Variants in PCDHGA4 observed in about 807,000 individuals in gnomAD.
PCDHGA4 encodes the protein protocadherin gamma-A4.
Under a neutral mutation model 54.6 loss-of-function variants are expected in PCDHGA4, and 38 were observed. The ratio of observed to expected loss-of-function variants is 0.70; its 90% CI spans 0.54 to 0.91. The LOEUF (loss-of-function observed/expected upper bound fraction) is 0.91, where lower values mean the gene tolerates loss of function less well. Ranked by LOEUF, PCDHGA4 falls within the 40% of genes least tolerant of loss-of-function variation. The pLI is 0.00. For synonymous variants in PCDHGA4, 511 were observed against 512.9 expected (o/e 1.00, Z 0.05); for missense variants, 1,298 against 1,220.9 (o/e 1.06, Z -0.94).
intron 1 of PCDHGA4, chr5:141,364,455 G>A (rs753233498): frequency 1.9e-6 from 3 of 1,614,000 alleles, no homozygotes; most frequent in Non-Finnish European, 2.5e-6. Flanking sequence ...CTGGACAAAG[G>A]CTCCTTCGTC....
Position 141,364,556 on chromosome 5 carries a change from G to A in PCDHGA4, c.2514+6935G>A, listed in dbSNP as rs917886359. On this transcript the variant is annotated intron_variant, in intron 1 of 3. Coordinates refer to ENST00000571252, the MANE Select transcript of PCDHGA4 (RefSeq NM_018917.4). The stretch of plus-strand genomic sequence containing the variant: ...CTCCAGAGGTAGGACGCAGCTTTTT[G>A]CCCTGAACCCGCGAAGCGGCAGCTT... 5 of 1,614,048 alleles carry A rather than the reference G, an allele frequency of 3.1e-6. No homozygotes were observed. In the Admixed American group the frequency reaches 8.3e-5, roughly 27 times the overall value.
chr5:141,419,386 G>A (rs2096372901), intron 1 of PCDHGA4: 1 of 1,613,650 alleles, frequency 6.2e-7, no homozygotes, highest in Non-Finnish European at 8.5e-7. Context: ...CCGTGAGCGC[G>A]CAGAGCGGGG....
chr5:141,419,035 T>G, intron 1 of PCDHGA4: 1 of 1,613,954 alleles, frequency 6.2e-7, no homozygotes, highest in Non-Finnish European at 8.5e-7. Context: ...GTGTTCCATT[T>G]AAGATTCATT....
chr5:141,502,487 C>A (rs563658817), intron 2 of PCDHGA4, among the ~76,000 whole-genome samples: 1 of 152,182 alleles, frequency 6.6e-6, no homozygotes, highest in Non-Finnish European at 1.5e-5. Context: ...CACACTGGGA[C>A]TCATCTAACG....
chr5:141,495,108 C>G (rs1304714928), intron 2 of PCDHGA4, among the ~76,000 whole-genome samples: 1 of 152,176 alleles, frequency 6.6e-6, no homozygotes, highest in Admixed American at 6.5e-5. Context: ...ACGACCGGCA[C>G]CTTTTCCTAT....
intron 1 of PCDHGA4, chr5:141,388,678 C>T (rs1347655255): frequency 5.6e-6 from 9 of 1,613,818 alleles, no homozygotes; most frequent in Non-Finnish European, 7.6e-6. Flanking sequence ...CTACAGGTGA[C>T]TGCCACGGAC....
Position 141,432,061 on chromosome 5 carries a change from G to A in PCDHGA4, c.2515-62746G>A. 1 of 1,614,130 alleles carries A rather than the reference G, an allele frequency of 6.2e-7. No homozygotes were observed. The highest frequency in any genetic ancestry group is 8.5e-7 in the Non-Finnish European group (1 of 1,180,034). ...ACCGGGGAACCCCGCCCCTATCCAC[G>A]GAAACTCATATCTCGCTGAACGTGG... On this transcript the variant is annotated intron_variant, in intron 1 of 3. Coordinates refer to ENST00000571252, the MANE Select transcript of PCDHGA4 (RefSeq NM_018917.4). The surrounding 1 kb of genome is among the most constrained non-coding windows in gnomAD (Gnocchi z 6.0).
At chr5:141,383,064 G>A (rs1384491005) in intron 1 of PCDHGA4, 1 of 1,613,928 alleles carries the variant, frequency 6.2e-7, no homozygotes, top group Non-Finnish European at 8.5e-7. Flanking sequence ...TGGGGCTGGA[G>A]CCCCGGGAGC....
intron 1 of PCDHGA4, among the ~76,000 whole-genome samples, chr5:141,444,558 T>C (rs2098440789): frequency 6.6e-6 from 1 of 152,190 alleles, no homozygotes; most frequent in African/African-American, 2.4e-5. Context: ...AAGGCACTTA[T>C]TTGACACTTT....
At chr5:141,394,471 T>C (rs2093007845) in intron 1 of PCDHGA4, 3 of 1,614,250 alleles carry the variant, frequency 1.9e-6, no homozygotes, top group Non-Finnish European at 2.5e-6. Flanking sequence ...CTGTTCGTGC[T>C]GGACCAGAAT....
intron 1 of PCDHGA4, chr5:141,405,141 A>G (rs749502643): frequency 6.2e-7 from 1 of 1,613,980 alleles, no homozygotes; most frequent in South Asian, 1.1e-5. Flanking sequence ...GCTACCAGTG[A>G]TGGGTTGGCT....
chr5:141,422,172 C>A, intron 1 of PCDHGA4: 2 of 1,564,780 alleles, frequency 1.3e-6, no homozygotes, highest in Non-Finnish European at 1.7e-6. Context: ...AATATAGATT[C>A]TATGAGATGG....
At chr5:141,403,596 C>G (rs746360206) in intron 1 of PCDHGA4, 16 of 1,613,650 alleles carry the variant, frequency 9.9e-6, no homozygotes, top group African/African-American at 2.7e-5. Flanking sequence ...CTCACGGCCT[C>G]GGATGGCGGC....
chr5:141,404,952 G>T, intron 1 of PCDHGA4: 1 of 1,614,030 alleles, frequency 6.2e-7, no homozygotes, highest in Non-Finnish European at 8.5e-7. Flanking sequence ...ATAGCTGACA[G>T]CATCCCAGAC....
At chr5:141,421,986 AG>A in intron 1 of PCDHGA4, 2 of 1,609,004 alleles carry the variant, frequency 1.2e-6, no homozygotes, top group Non-Finnish European at 1.7e-6. Flanking sequence ...TGAGTGTTCC[AG>A]AAAACATCAG....
rs768286784 is a variant in PCDHGA4 at position 141,361,660 on chromosome 5, G to T, written c.2514+4039G>T. The T allele has an allele frequency of 5.6e-6, 9 of 1,613,754 alleles. 1 individual carries two copies. The highest frequency in any genetic ancestry group is 2.2e-5 in the East Asian group (1 of 44,882). ...GATTTTATCCTACGTGTCCGTGAGC[G>T]CGCAGAGCGGGGTGGTGTTCGCGCA... On this transcript the variant is annotated intron_variant, in intron 1 of 3. Transcript: ENST00000571252.
chr5:141,461,647 C>T (rs1242234255), intron 1 of PCDHGA4, among the ~76,000 whole-genome samples: 3 of 152,006 alleles, frequency 2.0e-5, no homozygotes, highest in Non-Finnish European at 4.4e-5. Context: ...TTCTTTGACC[C>T]ATGGATTATT....
intron 1 of PCDHGA4, among the ~76,000 whole-genome samples, chr5:141,387,508 G>T (rs537615944): frequency 6.7e-4 from 102 of 152,312 alleles, no homozygotes; most frequent in African/African-American, 2.3e-3. Context: ...ATTTTTAGAC[G>T]TCATTAAATA....
intron 1 of PCDHGA4, among the ~76,000 whole-genome samples, chr5:141,479,138 T>G (rs1469363480): frequency 6.6e-6 from 1 of 152,232 alleles, no homozygotes; most frequent in Non-Finnish European, 1.5e-5. Flanking sequence ...GCACCCTGCT[T>G]ACAAAATATT....
Sources: allele counts gnomAD v4.1 joint callset (sites outside exome capture counted in the v4.1 genomes callset), GRCh38; gene constraint gnomAD v4.1.1; non-coding constraint Gnocchi (gnomAD v3.1); transcripts MANE v1.5; gene names NCBI Gene and HGNC (gene_info 2026-07-23, HGNC 2026-07-21).